Variants in FUBP1 observed in about 807,000 individuals in gnomAD.
FUBP1 encodes the protein far upstream element binding protein 1, also known as far upstream element-binding protein 1.
Under a neutral mutation model 94.9 loss-of-function variants are expected in FUBP1, and 16 were observed. The observed-to-expected ratio is 0.17, with a 90% CI of 0.11 to 0.26. The LOEUF is 0.26. FUBP1 is among the 10% of genes least tolerant of loss of function. The pLI is 1.00. For missense variants in FUBP1, 583 were observed against 808.6 expected (o/e 0.72, Z 3.38); for synonymous variants, 279 against 254.9 (o/e 1.09, Z -0.90).
In FUBP1 at chr1:77,946,406, T is replaced by C. The variant is rs1049421188; in HGVS notation, c.*2360A>G. On this transcript the variant is annotated 3_prime_UTR_variant, in exon 20 of 20. Coordinates refer to ENST00000370768, the MANE Select transcript of FUBP1 (RefSeq NM_003902.5). ...TTTCCACTAAGATGGTAGCATAAAATAACAAAATACATTTTGGGGAAGCAG... is the reference window on the plus strand; with the variant it reads ...TTTCCACTAAGATGGTAGCATAAAACAACAAAATACATTTTGGGGAAGCAG... The C allele has an allele frequency of 5.1e-6, 1 of 196,490 alleles. No homozygotes were observed. The allele number at this position is 196,490 out of a possible 1,614,324, so 12.2% of individuals were successfully genotyped here.
chr1:77,966,861 A>C, intron 6 of FUBP1, 23 bp downstream of exon 6: 1 of 1,488,416 alleles, frequency 6.7e-7, no homozygotes, highest in East Asian at 2.3e-5. Flanking sequence ...CACACTGAAA[A>C]TACCATGAGA....
At chr1:77,979,346 C>T (rs377655604), upstream of FUBP1, 71 of 270,942 alleles carry the variant, frequency 2.6e-4, 1 homozygote, top group East Asian at 2.1e-3. Context: ...GGCCAGTTGA[C>T]TGCGACTGTG....
intron 1 of FUBP1, among the ~76,000 whole-genome samples, chr1:77,977,573 C>A (rs547341615): frequency 6.6e-6 from 1 of 152,198 alleles, no homozygotes; most frequent in East Asian, 1.9e-4. Context: ...TGTGCGATAC[C>A]AATTAATCCA....
Position 77,956,713 on chromosome 1 carries a change from A to G in FUBP1, c.1577-13T>C, listed in dbSNP as rs371060132. 1.0e-5 allele frequency: 16 copies of G among 1,606,604 alleles called. No homozygotes were observed. The highest frequency in any genetic ancestry group is 1.3e-5 in the African/African-American group (1 of 74,750). ...GTTCCTGCCTTAGCTAAAATAAATG[A>G]AAGTTCAAGGTTTGCATGTGAAGTC... On this transcript the variant is annotated splice_polypyrimidine_tract_variant and intron_variant, in intron 16 of 19. Coordinates refer to ENST00000370768, the MANE Select transcript of FUBP1 (RefSeq NM_003902.5).
chr1:77,968,664 C>A (rs1255945923), intron 2 of FUBP1, among the ~76,000 whole-genome samples: 5 of 148,850 alleles, frequency 3.4e-5, no homozygotes, highest in African/African-American at 4.9e-5. Context: ...AACAAAAAAA[C>A]CCCCCACAAC....
intron 1 of FUBP1, among the ~76,000 whole-genome samples, chr1:77,978,309 G>A (rs1488167017): frequency 6.6e-6 from 1 of 152,208 alleles, no homozygotes; most frequent in African/African-American, 2.4e-5. Context: ...AGGCCATTTT[G>A]AGAAATAAGG....
intron 1 of FUBP1, among the ~76,000 whole-genome samples, chr1:77,972,733 G>A (rs1176621547): frequency 6.6e-6 from 1 of 151,808 alleles, no homozygotes; most frequent in Non-Finnish European, 1.5e-5. Flanking sequence ...CTGCACTCCA[G>A]TCTGGGTGAC....
rs374511552 is a variant in FUBP1 at position 77,949,326 on chromosome 1, T to G, written c.1781-26A>C. 3 of 1,600,718 alleles carry G rather than the reference T, an allele frequency of 1.9e-6. No homozygotes were observed. The East Asian group carries it at 6.7e-5, about 36-fold the overall frequency. On this transcript the variant is annotated intron_variant, in intron 18 of 19. Transcript: ENST00000370768. ...CTTTGAAAAAAAAGAACTTTGTTGC[T>G]GTAACCACAATTATAAGCCCAACAT...
chr1:77,969,872 A>T, intron 2 of FUBP1, 53 bp downstream of exon 2: 1 of 750,746 alleles, frequency 1.3e-6, no homozygotes, highest in Non-Finnish European at 2.2e-6. Flanking sequence ...ACCGAGAATC[A>T]CTTCAACTAA....
At chr1:77,971,084 G>C (rs140772190) in intron 1 of FUBP1, among the ~76,000 whole-genome samples, 1 of 151,634 alleles carries the variant, frequency 6.6e-6, no homozygotes, top group Non-Finnish European at 1.5e-5. Context: ...CTGGCTTCAA[G>C]TCACAAGTAG....
Position 77,968,172 on chromosome 1 carries a change from T to C in FUBP1, c.243A>G (p.Gln81=), listed in dbSNP as rs138606412. 1.3e-6 allele frequency: 2 copies of C among 1,536,362 alleles called. No individual in the cohort carries two copies. The highest frequency in any genetic ancestry group is 1.4e-5 in the African/African-American group (1 of 69,346). The part of the protein sequence containing the change: ...DQPDAKKVAP[Q]NDSFGTQLPP... Reference sequence around the variant, plus strand: ...TTTAAAAGGAATACTTACAGTCATTTTGAGGAGCAACTTTCTTAGCATCTG... The same window carrying C: ...TTTAAAAGGAATACTTACAGTCATTCTGAGGAGCAACTTTCTTAGCATCTG... Residue 81 remains glutamine (Q), a synonymous_variant, in exon 3 of 20, where the codon CAA becomes CAG. Transcript: ENST00000370768.
chr1:77,967,121 A>G lies in FUBP1; in HGVS notation c.291-20T>C. On this transcript the variant is annotated intron_variant, in intron 4 of 19. Transcript: ENST00000370768. ...GATCTGCTAAGAAATAACAGAAAGC[A>G]CCATTTTCCTTCAATGAAAGATACT... The G allele has an allele frequency of 6.8e-7, 1 of 1,475,612 alleles. No individual in the cohort carries two copies. The allele number at this position is 1,475,612 out of a possible 1,614,324, so 91.4% of individuals were successfully genotyped here. A position where few individuals can be genotyped will look rare whatever the true frequency, so the allele number is the denominator to read the frequency against.
intron 10 of FUBP1, 77 bp from the exon 11 acceptor site, chr1:77,964,433 G>T: frequency 1.1e-6 from 1 of 884,420 alleles, no homozygotes; most frequent in Non-Finnish European, 1.7e-6. Context: ...TTAAAAAAGC[G>T]CCATTTCCTG....
chr1:77,969,965 G>T lies in FUBP1; in HGVS notation c.171C>A (p.Asp57Glu). Residue 57 changes from aspartate (D) to glutamate (E), a missense_variant, in exon 2 of 20, where the codon GAC becomes GAA. Coordinates refer to ENST00000370768, the MANE Select transcript of FUBP1 (RefSeq NM_003902.5). ...GDAGTSLNSNDYGYGGQKRPL... is the reference protein window; with the variant it reads ...GDAGTSLNSNEYGYGGQKRPL... ...GTCTTTTTTGTCCCCCATAACCATA[G>T]TCATTTGAATTCAGTGATGTCCCTG... 1 of 1,588,446 alleles carries T rather than the reference G, an allele frequency of 6.3e-7. No individual in the cohort carries two copies. The highest frequency in any genetic ancestry group is 8.6e-7 in the Non-Finnish European group (1 of 1,162,118).
intron 18 of FUBP1, 108 bp from the exon 19 acceptor site, chr1:77,949,408 A>G: frequency 4.5e-6 from 4 of 892,436 alleles, no homozygotes; most frequent in Non-Finnish European, 6.8e-6. Context: ...CAAGCCTTTG[A>G]ATAATCTTGT....
rs773674440 is a variant in FUBP1 at position 77,965,060 on chromosome 1, T to C, written c.636+9A>G. The C allele has an allele frequency of 6.2e-7, 1 of 1,609,594 alleles. No homozygotes were observed. The highest frequency in any genetic ancestry group is 1.7e-5 in the Admixed American group (1 of 59,892). On this transcript the variant is annotated intron_variant, in intron 8 of 19. Coordinates refer to ENST00000370768, the MANE Select transcript of FUBP1 (RefSeq NM_003902.5). ...ATCAAAAGTAGCCATTTCACAAAAA[T>C]AACAATACCTGAAGCTGTTTAATAG...
chr1:77,964,239 A>G lies in FUBP1; in HGVS notation c.940+15T>C, dbSNP rs1656061458. Reference sequence around the variant, plus strand: ...CACTGCTGCCAACACTTACAAGATTATTATATGTACTCACCTGGCTTAAAC... The same window carrying G: ...CACTGCTGCCAACACTTACAAGATTGTTATATGTACTCACCTGGCTTAAAC... On this transcript the variant is annotated intron_variant, in intron 11 of 19. Transcript: ENST00000370768. 2.6e-6 allele frequency: 4 copies of G among 1,566,128 alleles called. No homozygotes were observed. Among genetic ancestry groups the G allele is most frequent in the African/African-American group, 1.4e-5 (1 of 73,998 alleles).
chr1:77,953,708 A>G lies in FUBP1; in HGVS notation c.1780+1547T>C, dbSNP rs1455044681. On this transcript the variant is annotated intron_variant, in intron 18 of 19. Transcript: ENST00000370768. ...AAATGGTAAAAAAAAATAAAAAATT[A>G]AAGACAAGGTAAAATGTCTTCCCTT... is the stretch of plus-strand genomic sequence containing the variant. 3.3e-5 allele frequency among the ~76,000 whole-genome samples: 5 copies of G among 152,310 alleles called. No homozygotes were observed. The South Asian group carries it at 6.2e-4, about 19-fold the overall frequency.
chr1:77,977,277 G>A (rs971256347), intron 1 of FUBP1, among the ~76,000 whole-genome samples: 1 of 152,180 alleles, frequency 6.6e-6, no homozygotes, highest in South Asian at 2.1e-4. Flanking sequence ...AGGCCAAGAC[G>A]GGCGGATCAC....
Sources: gnomAD v4.1 joint callset for allele counts (sites outside exome capture counted in the v4.1 genomes callset) on GRCh38, gnomAD v4.1.1 for gene constraint, MANE v1.5 for transcripts, NCBI Gene and HGNC (gene_info 2026-07-23, HGNC 2026-07-21) for gene names.